The following PRUNE2 variants were observed in gnomAD, a reference collection of about 807,000 sequenced individuals.
PRUNE2 encodes the protein prune homolog 2 with BCH domain.
PRUNE2 carries 164 observed loss-of-function variants against 252.0 expected under a neutral mutation model. The observed-to-expected ratio is 0.65, with a 90% CI of 0.57 to 0.74. The LOEUF is 0.74. Among genes scored for constraint, PRUNE2 ranks in the 30% least tolerant of loss-of-function variants. PRUNE2 has a pLI of 0.00. For synonymous variants in PRUNE2, 1,292 were observed against 1,350.2 expected (o/e 0.96, Z 0.94); for missense variants, 3,495 against 3,711.0 (o/e 0.94, Z 1.51).
chr9:76,877,736 GA>G (rs2061551601), intron 1 of PRUNE2, among the ~76,000 whole-genome samples: 1 of 152,324 alleles, frequency 6.6e-6, no homozygotes, highest in Non-Finnish European at 1.5e-5. Flanking sequence ...TTTGAAGAAG[GA>G]AAATTTTCTC....
At position 76,706,100 on chromosome 9, in the gene PRUNE2, T is replaced by C. The variant is rs771017965; in HGVS notation, c.6174A>G (p.Gln2058=). The change falls in exon 8 of 19, where the codon CAA becomes CAG. Residue 2058 remains glutamine (Q), a synonymous_variant. Transcript: ENST00000376718. ...CGGCAGAGGCCAGCTGCCCACCCTC[T>C]TGAAAGTTGCCATGTAAAATATCTG... is the stretch of plus-strand genomic sequence containing the variant. ...FVPDILHGNF[Q]EGGQLASAAP... The C allele has an allele frequency of 2.0e-5, 32 of 1,613,908 alleles. No homozygotes were observed. The highest frequency in any genetic ancestry group is 2.6e-5 in the Non-Finnish European group (31 of 1,179,892).
intron 6 of PRUNE2, among the ~76,000 whole-genome samples, chr9:76,783,351 G>A (rs1328236671): frequency 6.6e-6 from 1 of 152,046 alleles, no homozygotes; most frequent in Non-Finnish European, 1.5e-5. Flanking sequence ...TGGCCAGGCT[G>A]GTCTTGAACT....
At position 76,652,350 on chromosome 9, in the gene PRUNE2, C is replaced by T. The variant is rs1038335548; in HGVS notation, c.8557+133G>A. On this transcript the variant is annotated intron_variant, in intron 11 of 18. Transcript: ENST00000376718. ...GCTCCAAACTGTCAATCATGGCCAC[C>T]TATAACCTGAAATAAAAACAGAAGC... 57 of 691,050 alleles carry T rather than the reference C, an allele frequency of 8.2e-5. No individual in the cohort carries two copies. In the South Asian group the frequency reaches 8.8e-4, roughly 11 times the overall value. The allele number at this position is 691,050 out of a possible 1,614,324, so 42.8% of individuals were successfully genotyped here.
chr9:76,624,534 A>G, intron 16 of PRUNE2, 44 bp from the exon 17 acceptor site: 1 of 1,335,212 alleles, frequency 7.5e-7, no homozygotes, highest in Non-Finnish European at 9.8e-7. Flanking sequence ...AACAAAAGAG[A>G]AGCAAGCACA....
intron 6 of PRUNE2, chr9:76,739,643 A>G (rs2049399123): frequency 6.6e-6 from 1 of 152,112 alleles, no homozygotes; most frequent in Non-Finnish European, 1.5e-5. Flanking sequence ...ACAAATATAT[A>G]TGCATCAAAA....
At chr9:76,683,944 A>G (rs1484789447) in intron 9 of PRUNE2, among the ~76,000 whole-genome samples, 1 of 150,950 alleles carries the variant, frequency 6.6e-6, no homozygotes. Context: ...TTATATGTAC[A>G]TATTATATAT....
rs549661799 is a variant in PRUNE2, at chr9:76,896,773, G to A, written c.36+9155C>T. Among the ~76,000 whole-genome samples, 5 of 152,120 alleles carry A rather than the reference G, an allele frequency of 3.3e-5. No individual in the cohort carries two copies. The South Asian group carries it at 6.2e-4, about 19-fold the overall frequency. Reference sequence around the variant, plus strand: ...TCTCCTGCCTAGACCCCCTGACATCGGTCAATCCATCAAAGTGGTATTTAA... The same window carrying A: ...TCTCCTGCCTAGACCCCCTGACATCAGTCAATCCATCAAAGTGGTATTTAA... On this transcript the variant is annotated intron_variant, in intron 1 of 18. Coordinates refer to ENST00000376718, the MANE Select transcript of PRUNE2 (RefSeq NM_015225.3).
intron 6 of PRUNE2, among the ~76,000 whole-genome samples, chr9:76,745,111 A>G (rs1256575349): frequency 1.3e-5 from 2 of 152,194 alleles, no homozygotes; most frequent in African/African-American, 4.8e-5. Flanking sequence ...AAATTATCAC[A>G]GAAAATTATG....
intron 6 of PRUNE2, among the ~76,000 whole-genome samples, chr9:76,806,982 C>A (rs2056989394): frequency 6.6e-6 from 1 of 151,452 alleles, no homozygotes; most frequent in African/African-American, 2.4e-5. Context: ...AGACTCCAAC[C>A]CAAGTAGATT....
At chr9:76,720,802 T>A (rs2047571701) in intron 6 of PRUNE2, among the ~76,000 whole-genome samples, 1 of 152,120 alleles carries the variant, frequency 6.6e-6, no homozygotes, top group Non-Finnish European at 1.5e-5. Flanking sequence ...AATTCTTAGA[T>A]GTGAGATGAT....
intron 6 of PRUNE2, among the ~76,000 whole-genome samples, chr9:76,777,922 G>T (rs555544149): frequency 4.6e-5 from 7 of 152,158 alleles, no homozygotes; most frequent in Non-Finnish European, 8.8e-5. Context: ...AGTCCCTGAG[G>T]CAAAAGCATG....
chr9:76,791,280 T>G lies in PRUNE2; in HGVS notation c.756+32352A>C, dbSNP rs59370766. Among the ~76,000 whole-genome samples the G allele has an allele frequency of 4.6e-3, 626 of 135,304 alleles. 10 individuals are homozygous for G. The highest frequency in any genetic ancestry group is 0.017 in the African/African-American group (594 of 35,362). 88.8% of individuals were successfully genotyped at this position (135,304 alleles called of 152,430 possible). A position where few individuals can be genotyped will look rare whatever the true frequency, so the allele number is the denominator to read the frequency against. ...ATTGGTACAATAATACTGCACCAAT[T>G]ATCATTGGTACAATAATACTGCACC... On this transcript the variant is annotated intron_variant, in intron 6 of 18. Coordinates refer to ENST00000376718, the MANE Select transcript of PRUNE2 (RefSeq NM_015225.3).
chr9:76,803,835 C>G (rs887948406), intron 6 of PRUNE2, among the ~76,000 whole-genome samples: 1 of 152,202 alleles, frequency 6.6e-6, no homozygotes, highest in Non-Finnish European at 1.5e-5. Context: ...ATTAGACTGT[C>G]TGTTCTTCGC....
rs780416591 is a variant in PRUNE2 at position 76,861,183 on chromosome 9, C to G, written c.37-6975G>C. On this transcript the variant is annotated intron_variant, in intron 1 of 18. Transcript: ENST00000376718. Reference sequence around the variant, plus strand: ...ATGTCCAGAGGCGAGGCAAACACCCCCTCTGCAGCTCTGCTGTGCAGGGAT... The same window carrying G: ...ATGTCCAGAGGCGAGGCAAACACCCGCTCTGCAGCTCTGCTGTGCAGGGAT... 6.0e-4 allele frequency among the ~76,000 whole-genome samples: 91 copies of G among 152,242 alleles called. 1 individual carries two copies. Among genetic ancestry groups the G allele is most frequent in the South Asian group, 4.2e-4 (2 of 4,814 alleles).
intron 6 of PRUNE2, among the ~76,000 whole-genome samples, chr9:76,779,242 T>C (rs981593425): frequency 2.0e-5 from 3 of 152,088 alleles, no homozygotes; most frequent in East Asian, 1.9e-4. Flanking sequence ...CTTTTTTTTT[T>C]TTTTGGAAGT....
At chr9:76,641,894 C>T (rs1842740188) in intron 12 of PRUNE2, 4 of 1,487,716 alleles carry the variant, frequency 2.7e-6, no homozygotes, top group Non-Finnish European at 3.6e-6. Flanking sequence ...AAAACATACA[C>T]ACACACACAC....
intron 11 of PRUNE2, among the ~76,000 whole-genome samples, chr9:76,647,856 G>A (rs1177788755): frequency 6.6e-6 from 1 of 152,080 alleles, no homozygotes; most frequent in African/African-American, 2.4e-5. Context: ...CAGCTACTTG[G>A]GAGGCTGACA....
intron 6 of PRUNE2, among the ~76,000 whole-genome samples, chr9:76,766,605 T>G (rs574960111): frequency 1.3e-5 from 2 of 152,168 alleles, no homozygotes; most frequent in Non-Finnish European, 2.9e-5. Flanking sequence ...TCCTTCCATG[T>G]TTTGGTCCTT....
intron 6 of PRUNE2, among the ~76,000 whole-genome samples, chr9:76,741,265 A>T (rs1195842540): frequency 6.6e-6 from 1 of 152,186 alleles, no homozygotes; most frequent in Non-Finnish European, 1.5e-5. Context: ...CTCTAACCAA[A>T]TTATTGTAGT....
Sources: gnomAD v4.1 joint callset for allele counts (sites outside exome capture counted in the v4.1 genomes callset) on GRCh38, gnomAD v4.1.1 for gene constraint, MANE v1.5 for transcripts, NCBI Gene and HGNC (gene_info 2026-07-23, HGNC 2026-07-21) for gene names.